The following ZDHHC3 variants were observed in gnomAD, a reference collection of about 807,000 sequenced individuals.
ZDHHC3 encodes the protein palmitoyltransferase ZDHHC3.
A neutral mutation model predicts 30.6 loss-of-function variants in ZDHHC3; 9 were observed. The ratio of observed to expected loss-of-function variants is 0.29; its 90% CI spans 0.18 to 0.51. The LOEUF is 0.51. Ranked by LOEUF, ZDHHC3 falls within the 20% of genes least tolerant of loss-of-function variation. The probability of loss-of-function intolerance (pLI) is 0.97; values close to 1 mark genes in which losing one functional copy is unlikely to be tolerated. For missense variants in ZDHHC3, 246 were observed against 384.2 expected (o/e 0.64, Z 3.01); for synonymous variants, 136 against 140.2 (o/e 0.97, Z 0.21).
rs1700922689 is a variant in ZDHHC3, at chr3:44,925,661, C to T, written c.*1028G>A. 11 of 985,470 alleles carry T rather than the reference C, an allele frequency of 1.1e-5. No individual in the cohort carries two copies. Among genetic ancestry groups the T allele is most frequent in the Non-Finnish European group, 1.3e-5 (11 of 829,944 alleles). 61.0% of individuals were successfully genotyped at this position (985,470 alleles called of 1,614,324 possible). A position where few individuals can be genotyped will look rare whatever the true frequency, so the allele number is the denominator to read the frequency against. ...CATGGTCATCTCCATGCCAGGACAA[C>T]AGTCTCCCAGGTTAAAATATAGATA... On this transcript the variant is annotated 3_prime_UTR_variant, in exon 7 of 7. Transcript: ENST00000424952.
chr3:44,970,349 G>C (rs974586741), intron 1 of ZDHHC3, among the ~76,000 whole-genome samples: 1 of 152,226 alleles, frequency 6.6e-6, no homozygotes. Flanking sequence ...GAAATAGATG[G>C]GAGGCTAGTG....
In ZDHHC3 at chr3:44,918,236, G is replaced by C. The variant is rs1317904857; in HGVS notation, c.*8453C>G. Reference sequence around the variant, plus strand: ...CCCAGCTATAGCATAGCAGTGGCGGGGGGGGGGGCGGGGTGTCCACGGCAT... The same window carrying C: ...CCCAGCTATAGCATAGCAGTGGCGGCGGGGGGGGCGGGGTGTCCACGGCAT... On this transcript the variant is annotated 3_prime_UTR_variant, in exon 7 of 7. Transcript: ENST00000424952. 2 of 919,364 alleles carry C rather than the reference G, an allele frequency of 2.2e-6. No homozygotes were observed. The highest frequency in any genetic ancestry group is 5.2e-5 in the Admixed American group (1 of 19,256). The allele number at this position is 919,364 out of a possible 1,614,324, so 57.0% of individuals were successfully genotyped here.
At chr3:44,960,538 T>A (rs915181177) in intron 1 of ZDHHC3, among the ~76,000 whole-genome samples, 1 of 152,262 alleles carries the variant, frequency 6.6e-6, no homozygotes, top group Non-Finnish European at 1.5e-5. Flanking sequence ...ATCCACAGCA[T>A]GTGCTGCAAG....
At position 44,974,102 on chromosome 3, in the gene ZDHHC3, T is replaced by C. The variant is rs532606311; in HGVS notation, c.-25+1831A>G. Among the ~76,000 whole-genome samples the C allele has an allele frequency of 2.0e-5, 3 of 152,360 alleles. No individual in the cohort carries two copies. In the South Asian group the frequency reaches 6.2e-4, roughly 32 times the overall value. On this transcript the variant is annotated intron_variant, in intron 1 of 6. Coordinates refer to ENST00000424952, the MANE Select transcript of ZDHHC3 (RefSeq NM_001135179.2). ...TCTGGCAGCATTTAAGCCGAATGAT[T>C]AGTGAAGACTGTCATTGTTTTAGTA...
At chr3:44,955,365 T>C (rs1237602330) in intron 2 of ZDHHC3, among the ~76,000 whole-genome samples, 1 of 151,974 alleles carries the variant, frequency 6.6e-6, no homozygotes. Flanking sequence ...CAGAAGGCTA[T>C]AGTGGTTGCA....
At chr3:44,936,040 T>C (rs1363702923) in intron 3 of ZDHHC3, among the ~76,000 whole-genome samples, 9 of 152,156 alleles carry the variant, frequency 5.9e-5, no homozygotes, top group African/African-American at 1.7e-4. Context: ...AGCTTCTGCA[T>C]AGCAACAGAA....
chr3:44,922,993 C>G lies in ZDHHC3; in HGVS notation c.*3696G>C, dbSNP rs1979946. On this transcript the variant is annotated 3_prime_UTR_variant, in exon 7 of 7. Transcript: ENST00000424952. The stretch of plus-strand genomic sequence containing the variant: ...CTTGAAAAGAGAGAAATTTAAAACC[C>G]ATTAGCCTGGCTGAGAAAGCCCATC... 500,939 of 984,632 alleles carry G rather than the reference C, an allele frequency of 0.51. 129,490 individuals carry two copies. The highest frequency in any genetic ancestry group is 0.89 in the East Asian group (7,798 of 8,760). The allele number at this position is 984,632 out of a possible 1,614,324, so 61.0% of individuals were successfully genotyped here. A position where few individuals can be genotyped will look rare whatever the true frequency, so the allele number is the denominator to read the frequency against.
chr3:44,955,457 T>TATATATA (rs1553691496), intron 2 of ZDHHC3, among the ~76,000 whole-genome samples: 2,015 of 143,924 alleles, frequency 0.014, 38 homozygotes, highest in African/African-American at 0.045. Context: ...CACAAGGTTT[T>TATATATA]TATATATATA....
intron 3 of ZDHHC3, among the ~76,000 whole-genome samples, chr3:44,944,900 G>C (rs528738215): frequency 2.0e-5 from 3 of 152,314 alleles, no homozygotes; most frequent in South Asian, 4.1e-4. Flanking sequence ...GCCCTGCCCA[G>C]GTCCTATGTC....
intron 1 of ZDHHC3, among the ~76,000 whole-genome samples, chr3:44,966,847 A>G (rs1344967399): frequency 1.3e-5 from 2 of 152,202 alleles, no homozygotes; most frequent in Non-Finnish European, 2.9e-5. Flanking sequence ...AAAAAATAGG[A>G]TGAGTCACTA....
rs1230783365 is a variant in ZDHHC3, at chr3:44,925,159, TA to T, written c.*1529del. ...TAAGGGTAACACCTCAAGAGAGAGCTAAATCAGAACAGGTTTTGGAAAAATT... is the reference window on the plus strand; with the variant it reads ...TAAGGGTAACACCTCAAGAGAGAGCTAATCAGAACAGGTTTTGGAAAAATT... On this transcript the variant is annotated 3_prime_UTR_variant, in exon 7 of 7. Transcript: ENST00000424952. The T allele has an allele frequency of 2.4e-5, 24 of 985,778 alleles. No individual in the cohort carries two copies. The highest frequency in any genetic ancestry group is 2.9e-5 in the Non-Finnish European group (24 of 829,950). 61.1% of individuals were successfully genotyped at this position (985,778 alleles called of 1,614,324 possible). A position where few individuals can be genotyped will look rare whatever the true frequency, so the allele number is the denominator to read the frequency against.
chr3:44,944,297 C>A (rs1702713272), intron 3 of ZDHHC3, among the ~76,000 whole-genome samples: 2 of 152,098 alleles, frequency 1.3e-5, no homozygotes, highest in South Asian at 4.2e-4. Context: ...CAGGCATGTG[C>A]CACCACGCCC....
At chr3:44,932,438 G>A (rs953875099) in intron 5 of ZDHHC3, among the ~76,000 whole-genome samples, 6 of 152,192 alleles carry the variant, frequency 3.9e-5, no homozygotes, top group South Asian at 2.1e-4. Flanking sequence ...TGCTCAAGAC[G>A]TTTGTCTCAC....
intron 2 of ZDHHC3, among the ~76,000 whole-genome samples, chr3:44,945,703 G>A (rs1289965715): frequency 6.6e-6 from 1 of 151,930 alleles, no homozygotes; most frequent in Non-Finnish European, 1.5e-5. Flanking sequence ...GATTATAGGT[G>A]CTCGCCACCA....
At chr3:44,944,153 A>AT (rs1290303864) in intron 3 of ZDHHC3, among the ~76,000 whole-genome samples, 1 of 151,862 alleles carries the variant, frequency 6.6e-6, no homozygotes, top group East Asian at 1.9e-4. Flanking sequence ...ATTAAAAAAA[A>AT]ATTTTTTTTT....
intron 2 of ZDHHC3, among the ~76,000 whole-genome samples, chr3:44,949,720 G>A (rs1191998076): frequency 6.6e-6 from 1 of 152,220 alleles, no homozygotes; most frequent in African/African-American, 2.4e-5. Context: ...AAGGTTTCAT[G>A]AAGGTGAGGC....
In ZDHHC3 at chr3:44,921,465, C is replaced by G; in HGVS notation, c.*5224G>C. 5 of 985,430 alleles carry G rather than the reference C, an allele frequency of 5.1e-6. No individual in the cohort carries two copies. The highest frequency in any genetic ancestry group is 6.0e-6 in the Non-Finnish European group (5 of 829,928). 61.0% of individuals were successfully genotyped at this position (985,430 alleles called of 1,614,324 possible). A position where few individuals can be genotyped will look rare whatever the true frequency, so the allele number is the denominator to read the frequency against. On this transcript the variant is annotated 3_prime_UTR_variant, in exon 7 of 7. Coordinates refer to ENST00000424952, the MANE Select transcript of ZDHHC3 (RefSeq NM_001135179.2). ...TCTGTTGCATTCCAGAACACATATA[C>G]ACACAACTCCCTAAGCTTCATAAAA...
rs373737149 is a variant in ZDHHC3 at position 44,944,263 on chromosome 3, C to T, written c.431+905G>A. Among the ~76,000 whole-genome samples, 18 of 152,224 alleles carry T rather than the reference C, an allele frequency of 1.2e-4. No homozygotes were observed. The East Asian group carries it at 2.7e-3, about 23-fold the overall frequency. On this transcript the variant is annotated intron_variant, in intron 3 of 6. Transcript: ENST00000424952. ...CTCCCGGGTTCAAGCGATTCTGCTT[C>T]GGCCTCCCGAATAGCTGGGATTACA...
At chr3:44,936,796 T>C (rs2125837956) in intron 3 of ZDHHC3, among the ~76,000 whole-genome samples, 1 of 152,150 alleles carries the variant, frequency 6.6e-6, no homozygotes, top group East Asian at 1.9e-4. Flanking sequence ...AAATAATATG[T>C]ACAACAAACC....
Sources: allele counts gnomAD v4.1 joint callset (sites outside exome capture counted in the v4.1 genomes callset), GRCh38; gene constraint gnomAD v4.1.1; transcripts MANE v1.5; gene names NCBI Gene and HGNC (gene_info 2026-07-23, HGNC 2026-07-21).